SPTLC2: variants seen among roughly 807,000 people sequenced by gnomAD.
The protein encoded by SPTLC2 is serine palmitoyltransferase 2.
Under a neutral mutation model 62.0 loss-of-function variants are expected in SPTLC2, and 21 were observed. The observed-to-expected ratio is 0.34, with a 90% CI of 0.24 to 0.49. The LOEUF (loss-of-function observed/expected upper bound fraction) is 0.49. Among genes scored for constraint, SPTLC2 ranks in the 20% least tolerant of loss-of-function variants. The pLI is 0.99. For synonymous variants in SPTLC2, 261 were observed against 261.8 expected, an observed-to-expected ratio of 1.00 and a Z score of 0.03; for missense variants, 511 against 713.0, an observed-to-expected ratio of 0.72 and a Z score of 3.23.
At chr14:77,608,788 T>C (rs755464962) in intron 1 of SPTLC2, among the ~76,000 whole-genome samples, 6 of 151,878 alleles carry the variant, frequency 4.0e-5, no homozygotes, top group Non-Finnish European at 8.8e-5. Flanking sequence ...GCGTGGTAGG[T>C]CACGCCTGTA....
chr14:77,614,310 T>C (rs2079953209), intron 1 of SPTLC2, among the ~76,000 whole-genome samples: 1 of 152,196 alleles, frequency 6.6e-6, no homozygotes, highest in South Asian at 2.1e-4. Context: ...GAAAGAAGCA[T>C]TTGAACACAA....
rs1452235700 is a variant in SPTLC2, at chr14:77,509,419, G to A, written c.*2865C>T. On this transcript the variant is annotated 3_prime_UTR_variant, in exon 12 of 12. Transcript: ENST00000216484. Reference sequence around the variant, plus strand: ...CTTCTGATGTGATCTGCTGAAAGAGGTCTTATAAACCTGAAATAGGTAACA... The same window carrying A: ...CTTCTGATGTGATCTGCTGAAAGAGATCTTATAAACCTGAAATAGGTAACA... The A allele has an allele frequency of 6.5e-6, 1 of 152,890 alleles. No individual in the cohort carries two copies. Among genetic ancestry groups the A allele is most frequent in the African/African-American group, 2.4e-5 (1 of 41,466 alleles). The allele number at this position is 152,890 out of a possible 1,614,324, so 9.5% of individuals were successfully genotyped here.
At chr14:77,517,982 A>AT in intron 11 of SPTLC2, 56 bp downstream of exon 11, 1 of 1,611,764 alleles carries the variant, frequency 6.2e-7, no homozygotes, top group Non-Finnish European at 8.5e-7. Context: ...TTCATCTAAT[A>AT]TACAGGCCCT....
intron 2 of SPTLC2, among the ~76,000 whole-genome samples, chr14:77,581,512 G>A (rs1457345467): frequency 2.7e-5 from 4 of 146,660 alleles, no homozygotes; most frequent in Non-Finnish European, 4.5e-5. Context: ...CCAGGTTCAA[G>A]CGACTCTCCT....
chr14:77,531,452 T>TCTC (rs1210034001), intron 9 of SPTLC2, among the ~76,000 whole-genome samples: 1,752 of 110,356 alleles, frequency 0.016, 109 homozygotes, highest in African/African-American at 0.051. Flanking sequence ...TTCTCCTCCT[T>TCTC]CTCCTCCTCC....
chr14:77,530,478 G>GCCA (rs1359491328), intron 9 of SPTLC2, among the ~76,000 whole-genome samples: 1 of 151,952 alleles, frequency 6.6e-6, no homozygotes, highest in African/African-American at 2.4e-5. Flanking sequence ...ACAGGTGCCC[G>GCCA]CCACCAGACT....
At chr14:77,536,357 G>C (rs1238707001) in intron 9 of SPTLC2, among the ~76,000 whole-genome samples, 1 of 151,586 alleles carries the variant, frequency 6.6e-6, no homozygotes, top group Non-Finnish European at 1.5e-5. Context: ...TGTAGGTCAG[G>C]TATTTTTTGG....
chr14:77,605,833 T>C (rs1442613126), intron 1 of SPTLC2, among the ~76,000 whole-genome samples: 2 of 152,210 alleles, frequency 1.3e-5, no homozygotes, highest in African/African-American at 4.8e-5. Context: ...CAGATAAAGC[T>C]AGAGGGAGTG....
At chr14:77,582,796 G>A (rs144152911) in intron 2 of SPTLC2, among the ~76,000 whole-genome samples, 1 of 152,336 alleles carries the variant, frequency 6.6e-6, no homozygotes, top group African/African-American at 2.4e-5. Context: ...AAAGCGGGTG[G>A]CATAGAATGG....
intron 8 of SPTLC2, 38 bp downstream of exon 8, chr14:77,555,262 A>C (rs761702523): frequency 6.2e-7 from 1 of 1,612,460 alleles, no homozygotes; most frequent in South Asian, 1.1e-5. Context: ...ATTGCCAGTG[A>C]CTTTATCTCT....
At chr14:77,594,305 A>G (rs920122139) in intron 2 of SPTLC2, among the ~76,000 whole-genome samples, 9 of 152,268 alleles carry the variant, frequency 5.9e-5, no homozygotes, top group African/African-American at 1.4e-4. Context: ...AAGGATACAC[A>G]GGCAGCTCCC....
At chr14:77,604,514 A>G (rs1032635468) in intron 1 of SPTLC2, among the ~76,000 whole-genome samples, 2 of 152,166 alleles carry the variant, frequency 1.3e-5, no homozygotes, top group Admixed American at 6.5e-5. Context: ...CTATATTTTT[A>G]TTGGGTATTT....
At chr14:77,524,224 A>G (rs1298070268) in intron 9 of SPTLC2, among the ~76,000 whole-genome samples, 3 of 152,192 alleles carry the variant, frequency 2.0e-5, no homozygotes, top group African/African-American at 7.2e-5. Context: ...GACATACTGT[A>G]ATGACAGAAA....
intron 11 of SPTLC2, among the ~76,000 whole-genome samples, chr14:77,516,235 A>ACT (rs1440439863): frequency 6.6e-6 from 1 of 152,212 alleles, no homozygotes; most frequent in African/African-American, 2.4e-5. Context: ...CAATCCCTCA[A>ACT]GAGAATCTTA....
chr14:77,512,529 T>C (rs1220672698), intron 11 of SPTLC2, 126 bp from the exon 12 acceptor site: 16 of 1,418,676 alleles, frequency 1.1e-5, no homozygotes, highest in Non-Finnish European at 1.6e-5. Context: ...TCTAGTGCAT[T>C]TACAAGATCA....
Position 77,512,335 on chromosome 14 carries a change from A to C in SPTLC2, c.1638T>G (p.Pro546=). The C allele has an allele frequency of 6.2e-7, 1 of 1,614,232 alleles. No individual in the cohort carries two copies. Among genetic ancestry groups the C allele is most frequent in the Non-Finnish European group, 8.5e-7 (1 of 1,180,042 alleles). The change falls in exon 12 of 12, where the codon CCT becomes CCG. Residue 546 remains proline (P), a synonymous_variant. Transcript: ENST00000216484. ...QLKYSRHRLV[P]LLDRPFDETT... ...TCTCGTCAAAGGGCCTGTCCAGTAG[A>C]GGTACCAACCGATGACGGGAATACT...
At chr14:77,595,012 C>T (rs548761037) in intron 2 of SPTLC2, among the ~76,000 whole-genome samples, 59 of 152,224 alleles carry the variant, frequency 3.9e-4, no homozygotes, top group Non-Finnish European at 7.9e-4. Context: ...ACAAAATCAA[C>T]GTACTGTAGA....
intron 6 of SPTLC2, among the ~76,000 whole-genome samples, chr14:77,562,029 T>G (rs771441382): frequency 2.0e-5 from 3 of 152,258 alleles, no homozygotes; most frequent in Non-Finnish European, 4.4e-5. Context: ...CACTATATTG[T>G]AAGGACTGGC....
chr14:77,533,791 T>C (rs1298003067), intron 9 of SPTLC2, among the ~76,000 whole-genome samples: 1 of 152,168 alleles, frequency 6.6e-6, no homozygotes, highest in African/African-American at 2.4e-5. Flanking sequence ...ACAAAAAATA[T>C]TCCTAAGTCT....
Sources: allele counts gnomAD v4.1 joint callset (sites outside exome capture counted in the v4.1 genomes callset), GRCh38; gene constraint gnomAD v4.1.1; transcripts MANE v1.5; gene names NCBI Gene and HGNC (gene_info 2026-07-23, HGNC 2026-07-21).